The following ABLIM3 variants were observed in gnomAD, a reference collection of about 807,000 sequenced individuals.
The protein encoded by ABLIM3 is actin-binding LIM protein 3.
In ABLIM3, 61 loss-of-function variants were observed where a neutral mutation model predicts 109.5. The observed-to-expected ratio is 0.56, with a 90% CI of 0.45 to 0.69. The LOEUF (loss-of-function observed/expected upper bound fraction) is 0.69, where lower values mean the gene tolerates loss of function less well. Among genes scored for constraint, ABLIM3 ranks in the 30% least tolerant of loss-of-function variants. The probability of loss-of-function intolerance (pLI) is 0.00; values close to 1 mark genes in which losing one functional copy is unlikely to be tolerated. For synonymous variants in ABLIM3, 300 were observed against 324.8 expected (o/e 0.92, Z 0.82); for missense variants, 796 against 889.5 (o/e 0.89, Z 1.34).
chr5:149,170,766 G>T (rs1192355843), intron 2 of ABLIM3, among the ~76,000 whole-genome samples: 1 of 152,172 alleles, frequency 6.6e-6, no homozygotes, highest in Non-Finnish European at 1.5e-5. Context: ...AGATAAAATG[G>T]AATGTTCGTC....
chr5:149,226,806 C>T (rs1403209356), intron 8 of ABLIM3, among the ~76,000 whole-genome samples: 1 of 152,178 alleles, frequency 6.6e-6, no homozygotes, highest in Non-Finnish European at 1.5e-5. Context: ...CATGGTGGCT[C>T]ATCCCTGTAA....
rs997854629 is a variant in ABLIM3 at position 149,148,793 on chromosome 5, T to G, written c.13+6685T>G. 5.3e-5 allele frequency among the ~76,000 whole-genome samples: 8 copies of G among 152,182 alleles called. 1 individual carries two copies. Among genetic ancestry groups the G allele is most frequent in the Admixed American group, 3.9e-4 (6 of 15,280 alleles). ...CACATGTGCCTTCTCCCATTCCCTC[T>G]AAGGGTTTGCTCCTGCTGACTTTAC... On this transcript the variant is annotated intron_variant, in intron 2 of 23. Coordinates refer to ENST00000309868, the MANE Select transcript of ABLIM3 (RefSeq NM_014945.5).
At chr5:149,208,350 G>C (rs892408794) in intron 6 of ABLIM3, among the ~76,000 whole-genome samples, 31 of 132,198 alleles carry the variant, frequency 2.3e-4, no homozygotes, top group Non-Finnish European at 4.4e-4. Flanking sequence ...CTATCTTTTT[G>C]TCTCTCTCTC....
chr5:149,239,136 C>A, intron 11 of ABLIM3, 112 bp from the exon 12 acceptor site: 3 of 1,041,580 alleles, frequency 2.9e-6, no homozygotes, highest in Non-Finnish European at 4.5e-6. Flanking sequence ...TACAAAGGAA[C>A]TGCTGCAAAC....
intron 22 of ABLIM3, chr5:149,252,474 C>A: frequency 1.8e-6 from 1 of 552,308 alleles, no homozygotes; most frequent in East Asian, 2.9e-5. Flanking sequence ...ATATTAGACA[C>A]TTACATTCGG....
intron 5 of ABLIM3, among the ~76,000 whole-genome samples, chr5:149,206,304 C>T (rs1182000895): frequency 6.6e-6 from 1 of 152,168 alleles, no homozygotes; most frequent in Non-Finnish European, 1.5e-5. Flanking sequence ...ACCCTGTAAT[C>T]CTTGCCACTT....
intron 5 of ABLIM3, 150 bp from the exon 6 acceptor site, chr5:149,206,858 T>G: frequency 1.9e-6 from 2 of 1,041,746 alleles, no homozygotes; most frequent in Non-Finnish European, 1.3e-6. Context: ...TTCTCTCCCC[T>G]GGGAGAGCCT....
At chr5:149,153,659 A>T (rs566135372) in intron 2 of ABLIM3, among the ~76,000 whole-genome samples, 4 of 152,208 alleles carry the variant, frequency 2.6e-5, no homozygotes, top group Non-Finnish European at 5.9e-5. Flanking sequence ...CAGTGGAAGG[A>T]CTTGAAACAT....
chr5:149,157,353 C>G (rs575145432), intron 2 of ABLIM3, among the ~76,000 whole-genome samples: 47 of 152,204 alleles, frequency 3.1e-4, no homozygotes, highest in African/African-American at 1.1e-3. Context: ...CCCTTTGCTC[C>G]CGATTCACAT....
chr5:149,181,711 A>G (rs927784469), intron 2 of ABLIM3, among the ~76,000 whole-genome samples: 6 of 152,220 alleles, frequency 3.9e-5, no homozygotes, highest in Non-Finnish European at 7.3e-5. Flanking sequence ...TCAGTTTTGG[A>G]GATCATAGAT....
At chr5:149,233,366 T>C (rs1762051071) in intron 10 of ABLIM3, 66 bp downstream of exon 10, 1 of 1,501,918 alleles carries the variant, frequency 6.7e-7, no homozygotes, top group African/African-American at 1.4e-5. Context: ...AAAGAGTCAC[T>C]AAGGATAAGG....
chr5:149,171,016 G>C (rs1255689840), intron 2 of ABLIM3, among the ~76,000 whole-genome samples: 2 of 152,058 alleles, frequency 1.3e-5, no homozygotes, highest in African/African-American at 4.8e-5. Flanking sequence ...TCCTAATCAG[G>C]AATAATTCAT....
chr5:149,183,683 TG>T, intron 3 of ABLIM3, 94 bp downstream of exon 3: 1 of 1,350,250 alleles, frequency 7.4e-7, no homozygotes, highest in Non-Finnish European at 9.6e-7. Flanking sequence ...CAAACACAGG[TG>T]GCTGGAATAT....
chr5:149,222,573 A>T (rs906413537), intron 8 of ABLIM3, among the ~76,000 whole-genome samples: 30 of 152,166 alleles, frequency 2.0e-4, no homozygotes, highest in Non-Finnish European at 8.8e-5. Context: ...TGTTAACACA[A>T]ATCCGAAACG....
At chr5:149,240,855 C>A in intron 14 of ABLIM3, 81 bp downstream of exon 14, 1 of 1,311,312 alleles carries the variant, frequency 7.6e-7, no homozygotes, top group Non-Finnish European at 1.1e-6. Context: ...CCCTCGATGC[C>A]ACACAGGCAC....
At chr5:149,195,063 A>G (rs755065559) in intron 3 of ABLIM3, among the ~76,000 whole-genome samples, 1 of 152,206 alleles carries the variant, frequency 6.6e-6, no homozygotes, top group Non-Finnish European at 1.5e-5. Context: ...ATCCAGTCTC[A>G]TTCAAAAAGT....
rs78002641 is a variant in ABLIM3 at position 149,185,032 on chromosome 5, C to T, written c.151+1443C>T. On this transcript the variant is annotated intron_variant, in intron 3 of 23. Transcript: ENST00000309868. ...ATTTTTACACCCTCTGAAATTGAGG[C>T]GGGACGAAGGGTAAAGACAAGGAAA... Among the ~76,000 whole-genome samples the T allele has an allele frequency of 4.8e-3, 726 of 152,070 alleles. 3 individuals carry two copies. The highest frequency in any genetic ancestry group is 0.016 in the African/African-American group (680 of 41,492).
intron 3 of ABLIM3, among the ~76,000 whole-genome samples, chr5:149,195,107 C>T (rs981393485): frequency 3.9e-5 from 6 of 152,166 alleles, no homozygotes; most frequent in African/African-American, 1.4e-4. Flanking sequence ...CAGAGTCTTG[C>T]ACTTTCTGTT....
rs1041675033 is a variant in ABLIM3 at position 149,259,446 on chromosome 5, G to A, written c.*1042G>A. The A allele has an allele frequency of 5.0e-5, 77 of 1,527,142 alleles. No individual in the cohort carries two copies. The highest frequency in any genetic ancestry group is 4.6e-4 in the Admixed American group (23 of 50,306). 94.6% of individuals were successfully genotyped at this position (1,527,142 alleles called of 1,614,324 possible). Reference sequence around the variant, plus strand: ...GAAAATAGGCCGTGTCTCAAAGAAAGGTTCTTGGTCTATGCCTCTGGTCTG... The same window carrying A: ...GAAAATAGGCCGTGTCTCAAAGAAAAGTTCTTGGTCTATGCCTCTGGTCTG... On this transcript the variant is annotated 3_prime_UTR_variant, in exon 24 of 24. Transcript: ENST00000309868.
Sources: allele counts gnomAD v4.1 joint callset (sites outside exome capture counted in the v4.1 genomes callset), GRCh38; gene constraint gnomAD v4.1.1; transcripts MANE v1.5; gene names NCBI Gene and HGNC (gene_info 2026-07-23, HGNC 2026-07-21).